ADGRL2: variants seen among roughly 807,000 people sequenced by gnomAD.
ADGRL2 encodes adhesion G protein-coupled receptor L2.
Under a neutral mutation model 157.4 loss-of-function variants are expected in ADGRL2, and 44 were observed. The ratio of observed to expected loss-of-function variants is 0.28; its 90% CI spans 0.22 to 0.36. ADGRL2 has a LOEUF of 0.36. Among genes scored for constraint, ADGRL2 ranks in the 10% least tolerant of loss-of-function variants. The probability of loss-of-function intolerance (pLI) is 1.00; values close to 1 mark genes in which losing one functional copy is unlikely to be tolerated. For missense variants in ADGRL2, 1,510 were observed against 1,768.9 expected (o/e 0.85, Z 2.63); for synonymous variants, 585 against 624.7 (o/e 0.94, Z 0.95).
At chr1:81,802,816 G>C (rs1322336859) in intron 1 of ADGRL2, among the ~76,000 whole-genome samples, 1 of 152,148 alleles carries the variant, frequency 6.6e-6, no homozygotes, top group Non-Finnish European at 1.5e-5. Context: ...ACGAGTTTTT[G>C]AGGGTTGCTG....
chr1:81,660,599 C>A (rs561880153), intron 3 of ADGRL2, among the ~76,000 whole-genome samples: 2 of 152,228 alleles, frequency 1.3e-5, no homozygotes, highest in African/African-American at 4.8e-5. Context: ...ATTTATAGAA[C>A]TTTTAGTAGT....
intron 2 of ADGRL2, among the ~76,000 whole-genome samples, chr1:81,773,515 G>T (rs1187082286): frequency 3.9e-5 from 6 of 152,126 alleles, no homozygotes; most frequent in African/African-American, 7.2e-5. Context: ...AAGGAAAAAG[G>T]ATTGCCCACA....
At chr1:81,753,398 A>G (rs1033383232) in intron 1 of ADGRL2, among the ~76,000 whole-genome samples, 2 of 152,116 alleles carry the variant, frequency 1.3e-5, no homozygotes, top group African/African-American at 4.8e-5. Context: ...TGATTCAGTC[A>G]TCTCCCACCG....
At chr1:81,766,687 G>A (rs937095600) in intron 2 of ADGRL2, among the ~76,000 whole-genome samples, 2 of 151,520 alleles carry the variant, frequency 1.3e-5, no homozygotes, top group African/African-American at 2.4e-5. Context: ...AAAATCAGCC[G>A]GGCATGGTGG....
chr1:81,412,986 G>A (rs958331353), intron 1 of ADGRL2, among the ~76,000 whole-genome samples: 4 of 152,018 alleles, frequency 2.6e-5, no homozygotes, highest in South Asian at 2.1e-4. Context: ...CAGTCAGCTG[G>A]TGATAAATTT....
At chr1:81,787,545 C>T (rs1490760602) in intron 2 of ADGRL2, among the ~76,000 whole-genome samples, 2 of 152,036 alleles carry the variant, frequency 1.3e-5, no homozygotes, top group Non-Finnish European at 2.9e-5. Context: ...ATCCCAGCTA[C>T]TCGGGAAGCT....
intron 11 of ADGRL2, among the ~76,000 whole-genome samples, chr1:81,962,607 A>AT (rs1655784960): frequency 6.6e-6 from 1 of 152,094 alleles, no homozygotes; most frequent in Admixed American, 6.6e-5. Flanking sequence ...TAAGGATCTT[A>AT]TACTTCCCTT....
chr1:81,596,356 T>A lies in ADGRL2; in HGVS notation c.-143+15376T>A, dbSNP rs935974002. On this transcript the variant is annotated intron_variant, in intron 3 of 24. Coordinates refer to the ADGRL2 transcript ENST00000370721. ...TTGGTAGGCATTCGAACTTGTCCTT[T>A]CACTTCGAGATTCTTTTCCTTTCCT... The A allele has an allele frequency of 5.7e-6, 3 of 522,490 alleles. No individual in the cohort carries two copies. The Admixed American group carries it at 6.1e-5, about 11-fold the overall frequency. The allele number at this position is 522,490 out of a possible 1,614,324, so 32.4% of individuals were successfully genotyped here. A position where few individuals can be genotyped will look rare whatever the true frequency, so the allele number is the denominator to read the frequency against.
chr1:81,894,478 G>A (rs2094338865), intron 2 of ADGRL2, among the ~76,000 whole-genome samples: 1 of 151,926 alleles, frequency 6.6e-6, no homozygotes, highest in African/African-American at 2.4e-5. Context: ...CACTTGATTA[G>A]TTGTTCCCAC....
chr1:81,459,900 G>C (rs549642996), intron 2 of ADGRL2, among the ~76,000 whole-genome samples: 1 of 151,138 alleles, frequency 6.6e-6, no homozygotes, highest in Admixed American at 6.6e-5. Flanking sequence ...TTTTTAATTT[G>C]GAGTGTTTTA....
chr1:81,498,191 T>C (rs2078769992), intron 2 of ADGRL2, among the ~76,000 whole-genome samples: 1 of 152,216 alleles, frequency 6.6e-6, no homozygotes, highest in Non-Finnish European at 1.5e-5. Flanking sequence ...AGAACAAATG[T>C]CTGCAAAAAT....
intron 2 of ADGRL2, among the ~76,000 whole-genome samples, chr1:81,515,943 T>C (rs1346054451): frequency 6.6e-6 from 1 of 152,206 alleles, no homozygotes; most frequent in East Asian, 1.9e-4. Context: ...AAATCAAGTA[T>C]TCAAATATAA....
chr1:81,485,346 G>A lies in ADGRL2; in HGVS notation c.-248+40257G>A, dbSNP rs72940997. On this transcript the variant is annotated intron_variant, in intron 2 of 24. Coordinates refer to the ADGRL2 transcript ENST00000370721. The stretch of plus-strand genomic sequence containing the variant: ...AATGAATAATTAACTCCAATAAAAA[G>A]CCTAGAGTCTCCATGTTGCCCCTGT... 8.7e-3 allele frequency among the ~76,000 whole-genome samples: 1,323 copies of A among 152,066 alleles called. 25 individuals carry two copies. The highest frequency in any genetic ancestry group is 0.03 in the African/African-American group (1,231 of 41,468).
chr1:81,357,584 T>C (rs1663410728), intron 1 of ADGRL2, among the ~76,000 whole-genome samples: 1 of 152,206 alleles, frequency 6.6e-6, no homozygotes, highest in South Asian at 2.1e-4. Context: ...TAGCACCATT[T>C]TGGATAATTT....
chr1:81,807,309 C>T (rs1190039374), intron 1 of ADGRL2, among the ~76,000 whole-genome samples: 2 of 151,916 alleles, frequency 1.3e-5, no homozygotes, highest in Non-Finnish European at 1.5e-5. Context: ...AGATTAAAAT[C>T]ATAGGCTAGT....
chr1:81,325,549 A>G (rs1285850325), intron 1 of ADGRL2, among the ~76,000 whole-genome samples: 1 of 152,212 alleles, frequency 6.6e-6, no homozygotes, highest in Non-Finnish European at 1.5e-5. Flanking sequence ...TCAAGCAGCT[A>G]TTGGCTATTT....
intron 1 of ADGRL2, among the ~76,000 whole-genome samples, chr1:81,435,285 T>C (rs1421108847): frequency 6.6e-6 from 1 of 152,166 alleles, no homozygotes; most frequent in Non-Finnish European, 1.5e-5. Context: ...TTAACAACCA[T>C]GTTAAAAATA....
intron 2 of ADGRL2, among the ~76,000 whole-genome samples, chr1:81,507,370 C>T (rs2078996790): frequency 1.3e-5 from 2 of 152,150 alleles, no homozygotes; most frequent in Admixed American, 6.5e-5. Flanking sequence ...TTTACCAGTG[C>T]AGATAGGGAA....
intron 1 of ADGRL2, among the ~76,000 whole-genome samples, chr1:81,428,315 TA>T (rs199775520): frequency 2.0e-5 from 3 of 147,540 alleles, no homozygotes; most frequent in South Asian, 2.2e-4. Flanking sequence ...ACCTTCAAAT[TA>T]AAAAAAATAT....
Sources: gnomAD v4.1 joint callset for allele counts (sites outside exome capture counted in the v4.1 genomes callset) on GRCh38, gnomAD v4.1.1 for gene constraint, MANE v1.5 for transcripts, NCBI Gene and HGNC (gene_info 2026-07-23, HGNC 2026-07-21) for gene names.